The following ROBO1 variants were observed in gnomAD, a reference collection of about 807,000 sequenced individuals.
The protein encoded by ROBO1 is roundabout homolog 1.
A neutral mutation model predicts 195.9 loss-of-function variants in ROBO1; 149 were observed. The observed-to-expected ratio is 0.76, with a 90% CI of 0.67 to 0.87. ROBO1 has a LOEUF of 0.87. ROBO1 is among the 40% of genes least tolerant of loss of function. The probability of loss-of-function intolerance (pLI) is 0.00; values close to 1 mark genes in which losing one functional copy is unlikely to be tolerated. For synonymous variants in ROBO1, 816 were observed against 733.2 expected (o/e 1.11, Z -1.82); for missense variants, 1,933 against 2,068.3 (o/e 0.93, Z 1.27).
At chr3:79,250,298 G>A (rs565148865) in intron 2 of ROBO1, among the ~76,000 whole-genome samples, 1 of 152,250 alleles carries the variant, frequency 6.6e-6, no homozygotes, top group Admixed American at 6.5e-5. Context: ...TGTCCTAATT[G>A]TACTGCTTAG....
chr3:78,599,871 A>T (rs1456433923), intron 30 of ROBO1, among the ~76,000 whole-genome samples: 1 of 152,230 alleles, frequency 6.6e-6, no homozygotes, highest in Non-Finnish European at 1.5e-5. Context: ...TCTTATCTGA[A>T]AATCTGCAAA....
rs1575752464 is a variant in ROBO1, at chr3:78,599,966, A to C, written c.4941+147T>G. On this transcript the variant is annotated intron_variant, in intron 30 of 30. Transcript: ENST00000464233. ...ATTTCAAGAAAATTCTCAAATTCTC[A>C]GAACTTCAGTTTCTGCCATCATAGA... 5.9e-5 allele frequency: 42 copies of C among 717,204 alleles called. No homozygotes were observed. The East Asian group carries it at 1.1e-3, about 18-fold the overall frequency. 44.4% of individuals were successfully genotyped at this position (717,204 alleles called of 1,614,324 possible).
In ROBO1 at chr3:79,460,296, A is replaced by G. The variant is rs554013585; in HGVS notation, c.88+129528T>C. Among the ~76,000 whole-genome samples the G allele has an allele frequency of 2.6e-5, 4 of 152,340 alleles. No homozygotes were observed. In the South Asian group the frequency reaches 8.3e-4, roughly 32 times the overall value. On this transcript the variant is annotated intron_variant, in intron 2 of 30. Coordinates refer to ENST00000464233, the MANE Select transcript of ROBO1 (RefSeq NM_002941.4). ...ACAGTAACACTGATTGTAAATATCC[A>G]AATGTGTTTTAAATTTACCATGTAA...
chr3:79,275,344 G>A (rs548611221), intron 2 of ROBO1, among the ~76,000 whole-genome samples: 3 of 151,890 alleles, frequency 2.0e-5, no homozygotes, highest in Non-Finnish European at 2.9e-5. Flanking sequence ...TTCAATCAAT[G>A]TGATATATCC....
At chr3:79,258,853 T>A (rs999600992) in intron 2 of ROBO1, among the ~76,000 whole-genome samples, 1 of 152,088 alleles carries the variant, frequency 6.6e-6, no homozygotes, top group Admixed American at 6.6e-5. Flanking sequence ...GGCAACCCTA[T>A]TAGGGTTGCC....
chr3:78,642,030 T>C (rs919663719), intron 21 of ROBO1, among the ~76,000 whole-genome samples: 4 of 152,116 alleles, frequency 2.6e-5, no homozygotes, highest in Non-Finnish European at 4.4e-5. Context: ...CAAGGTCATA[T>C]GTACCTACTC....
intron 2 of ROBO1, among the ~76,000 whole-genome samples, chr3:79,229,477 T>C (rs2082284639): frequency 1.3e-5 from 2 of 152,144 alleles, no homozygotes; most frequent in Admixed American, 1.3e-4. Context: ...GATGGGATCT[T>C]GCTCCATTGC....
chr3:79,502,526 G>C (rs1296451315), intron 2 of ROBO1, among the ~76,000 whole-genome samples: 1 of 151,412 alleles, frequency 6.6e-6, no homozygotes, highest in Non-Finnish European at 1.5e-5. Flanking sequence ...GCTCCTGCAC[G>C]GCCTGAGCCT....
intron 26 of ROBO1, among the ~76,000 whole-genome samples, chr3:78,620,999 T>C (rs1704423704): frequency 6.6e-6 from 1 of 151,458 alleles, no homozygotes; most frequent in African/African-American, 2.4e-5. Context: ...AAAGTATGCA[T>C]ATACACACAT....
At chr3:78,705,513 G>A (rs1183498809) in intron 8 of ROBO1, among the ~76,000 whole-genome samples, 2 of 152,182 alleles carry the variant, frequency 1.3e-5, no homozygotes, top group Admixed American at 1.3e-4. Flanking sequence ...GTATCAGGAT[G>A]AGCACTTAAT....
intron 2 of ROBO1, among the ~76,000 whole-genome samples, chr3:79,376,791 A>G (rs569174323): frequency 2.6e-5 from 4 of 152,298 alleles, no homozygotes; most frequent in Non-Finnish European, 5.9e-5. Flanking sequence ...AGTATTTTAA[A>G]GGTAGTAAAA....
chr3:78,938,790 C>G lies in ROBO1; in HGVS notation c.310G>C (p.Gly104Arg), dbSNP rs529343774. ...RPTPTIEWYK[G>R]GERVETDKDD... ...TTGTCTGTCTCCACTCTCTCTCCCC[C>G]TTTGTACCATTCAATAGTGGGTGTG... Residue 104 changes from glycine to arginine, a missense_variant, in exon 4 of 31, where the codon GGG becomes CGG. This residue lies in a region of ROBO1 where 185 missense variants were observed against 159.5 expected (regional missense o/e 1.16). Coordinates refer to ENST00000464233, the MANE Select transcript of ROBO1 (RefSeq NM_002941.4). 5 of 1,613,898 alleles carry G rather than the reference C, an allele frequency of 3.1e-6. No homozygotes were observed. Among genetic ancestry groups the G allele is most frequent in the Non-Finnish European group, 4.2e-6 (5 of 1,179,898 alleles).
chr3:78,640,372 G>A (rs563824904), intron 21 of ROBO1, among the ~76,000 whole-genome samples: 284 of 152,194 alleles, frequency 1.9e-3, no homozygotes, highest in African/African-American at 4.9e-3. Context: ...ATGTACTGGC[G>A]TATTTTTCTC....
At chr3:79,111,081 G>T (rs2079877517) in intron 3 of ROBO1, among the ~76,000 whole-genome samples, 1 of 152,106 alleles carries the variant, frequency 6.6e-6, no homozygotes, top group African/African-American at 2.4e-5. Flanking sequence ...CTTTAGTAAA[G>T]AATACAAGGT....
At chr3:79,515,139 T>A (rs1940889153) in intron 2 of ROBO1, among the ~76,000 whole-genome samples, 1 of 152,174 alleles carries the variant, frequency 6.6e-6, no homozygotes, top group Non-Finnish European at 1.5e-5. Flanking sequence ...TCATGGCTCA[T>A]GGCAGCATGC....
At chr3:79,143,436 A>G (rs561189893) in intron 2 of ROBO1, among the ~76,000 whole-genome samples, 4 of 152,202 alleles carry the variant, frequency 2.6e-5, no homozygotes, top group African/African-American at 9.6e-5. Context: ...GTGCCAGAGT[A>G]CTTACCCAAT....
intron 2 of ROBO1, among the ~76,000 whole-genome samples, chr3:79,189,750 T>C (rs947476342): frequency 1.3e-5 from 2 of 151,820 alleles, no homozygotes; most frequent in African/African-American, 4.8e-5. Context: ...TTGTAACCTA[T>C]TTTAACTTGA....
intron 2 of ROBO1, among the ~76,000 whole-genome samples, chr3:79,154,152 C>T (rs1353771551): frequency 7.3e-5 from 11 of 151,722 alleles, no homozygotes. Context: ...CCTGCCCATA[C>T]ATAATGGGTT....
intron 10 of ROBO1, among the ~76,000 whole-genome samples, chr3:78,676,425 T>G (rs1416064455): frequency 1.3e-5 from 2 of 152,046 alleles, no homozygotes; most frequent in Non-Finnish European, 2.9e-5. Flanking sequence ...TTAAAAACTT[T>G]AAAAAAATTT....
Sources: allele counts gnomAD v4.1 joint callset (sites outside exome capture counted in the v4.1 genomes callset), GRCh38; gene constraint gnomAD v4.1.1; regional missense constraint gnomAD v4.1.1; transcripts MANE v1.5; gene names NCBI Gene and HGNC (gene_info 2026-07-23, HGNC 2026-07-21).